Variants in ADAMTS16 observed in about 807,000 individuals in gnomAD.
ADAMTS16 encodes A disintegrin and metalloproteinase with thrombospondin motifs 16.
A neutral mutation model predicts 145.8 loss-of-function variants in ADAMTS16; 94 were observed. The observed-to-expected ratio is 0.64, with a 90% CI of 0.55 to 0.77. The LOEUF is 0.77. ADAMTS16 is among the 30% of genes least tolerant of loss of function. ADAMTS16 has a pLI of 0.00. For synonymous variants in ADAMTS16, 659 were observed against 604.3 expected (o/e 1.09, Z -1.33); for missense variants, 1,585 against 1,591.5 (o/e 1.00, Z 0.07).
At chr5:5,315,896 G>A (rs1734040610) in intron 21 of ADAMTS16, among the ~76,000 whole-genome samples, 1 of 152,048 alleles carries the variant, frequency 6.6e-6, no homozygotes, top group Non-Finnish European at 1.5e-5. Context: ...AAGGGAGTAA[G>A]CCTCCCAGAT....
chr5:5,201,069 G>T (rs1735940338), intron 9 of ADAMTS16, among the ~76,000 whole-genome samples: 1 of 152,170 alleles, frequency 6.6e-6, no homozygotes, highest in Admixed American at 6.5e-5. Context: ...GTGTGAATTG[G>T]AAAGTCTCTG....
intron 11 of ADAMTS16, among the ~76,000 whole-genome samples, chr5:5,229,608 G>A (rs1370013302): frequency 6.6e-6 from 1 of 152,160 alleles, no homozygotes; most frequent in Non-Finnish European, 1.5e-5. Context: ...ATACCTTGCT[G>A]AGTCAGAAAG....
intron 10 of ADAMTS16, among the ~76,000 whole-genome samples, chr5:5,215,913 T>TATCA (rs1736427016): frequency 7.7e-6 from 1 of 129,084 alleles, no homozygotes; most frequent in Non-Finnish European, 1.6e-5. Context: ...TATATATATA[T>TATCA]ATCACAGTTT....
At chr5:5,292,246 A>C (rs1305535556) in intron 18 of ADAMTS16, among the ~76,000 whole-genome samples, 1 of 152,204 alleles carries the variant, frequency 6.6e-6, no homozygotes, top group Non-Finnish European at 1.5e-5. Flanking sequence ...CTGTAATCCC[A>C]GCCCTTTAAG....
At position 5,262,659 on chromosome 5, in the gene ADAMTS16, C is replaced by G. The variant is rs750998276; in HGVS notation, c.2665C>G (p.Gln889Glu). ...CTACATTTCATCCTTGCCTGCAGGA[C>G]AGATGACCGTGAGAGAGGGCTGCTA... ...SECSVSCGGG[Q>E]MTVREGCYRD... The change falls in exon 18 of 23, where the codon CAG becomes GAG. Residue 889 changes from glutamine to glutamate, a missense_variant and splice_region_variant. Physicochemically the swap from Gln to Glu is conservative, Grantham distance 29. This residue lies in a region of ADAMTS16 where 834 missense variants were observed against 811.7 expected (regional missense o/e 1.03). Coordinates refer to ENST00000274181, the MANE Select transcript of ADAMTS16 (RefSeq NM_139056.4). 2 of 1,613,694 alleles carry G rather than the reference C, an allele frequency of 1.2e-6. No individual in the cohort carries two copies. Among genetic ancestry groups the G allele is most frequent in the South Asian group, 1.1e-5 (1 of 90,958 alleles).
At chr5:5,311,778 CCAATCTCGGCT>C (rs1284242208) in intron 21 of ADAMTS16, among the ~76,000 whole-genome samples, 2 of 151,244 alleles carry the variant, frequency 1.3e-5, no homozygotes, top group Non-Finnish European at 3.0e-5. Flanking sequence ...TCACCCAGGC[CCAATCTCGGCT>C]CACTGCAAGC....
chr5:5,185,316 G>C (rs1307927810), intron 4 of ADAMTS16, among the ~76,000 whole-genome samples: 1 of 152,130 alleles, frequency 6.6e-6, no homozygotes, highest in Non-Finnish European at 1.5e-5. Flanking sequence ...TGGGCTTTTT[G>C]AAGTCCACTT....
At chr5:5,222,244 C>T (rs1736626409) in intron 10 of ADAMTS16, among the ~76,000 whole-genome samples, 1 of 152,156 alleles carries the variant, frequency 6.6e-6, no homozygotes, top group South Asian at 2.1e-4. Context: ...ACAATGGAAC[C>T]TCTTGCCTGG....
chr5:5,281,458 T>A (rs1012706880), intron 18 of ADAMTS16, among the ~76,000 whole-genome samples: 1 of 152,216 alleles, frequency 6.6e-6, no homozygotes, highest in Non-Finnish European at 1.5e-5. Context: ...TATTAGAGTA[T>A]TAAAAACTTT....
chr5:5,205,881 C>T (rs900324436), intron 9 of ADAMTS16, among the ~76,000 whole-genome samples: 3 of 152,118 alleles, frequency 2.0e-5, no homozygotes, highest in South Asian at 2.1e-4. Flanking sequence ...CAAATATATT[C>T]TCCCACTCTG....
chr5:5,252,286 G>A (rs2126411410), intron 17 of ADAMTS16, among the ~76,000 whole-genome samples: 1 of 152,318 alleles, frequency 6.6e-6, no homozygotes, highest in South Asian at 2.1e-4. Context: ...GTACTCCAGG[G>A]AGCCCCCAGA....
intron 18 of ADAMTS16, among the ~76,000 whole-genome samples, chr5:5,266,264 G>A (rs1039565784): frequency 6.6e-6 from 1 of 152,174 alleles, no homozygotes; most frequent in African/African-American, 2.4e-5. Flanking sequence ...AGCTACCAAT[G>A]TCTGGGCTCC....
At chr5:5,165,024 T>G (rs571996003) in intron 3 of ADAMTS16, among the ~76,000 whole-genome samples, 1 of 152,298 alleles carries the variant, frequency 6.6e-6, no homozygotes, top group African/African-American at 2.4e-5. Context: ...AATTTTTTAG[T>G]AAATGTGGAG....
chr5:5,250,709 C>CTGTG (rs66744630), intron 17 of ADAMTS16, among the ~76,000 whole-genome samples: 78 of 123,028 alleles, frequency 6.3e-4, no homozygotes, highest in African/African-American at 1.7e-3. Flanking sequence ...TCTCTTCTCT[C>CTGTG]TGTGTGTGTG....
chr5:5,241,988 C>T (rs117520871), intron 16 of ADAMTS16, 65 bp from the exon 17 acceptor site: 251 of 1,571,562 alleles, frequency 1.6e-4, no homozygotes, highest in African/African-American at 1.2e-3. Context: ...GTCTAAATCC[C>T]GTTAGCATGT....
intron 17 of ADAMTS16, among the ~76,000 whole-genome samples, chr5:5,244,675 C>T (rs1737388610): frequency 6.6e-6 from 1 of 152,244 alleles, no homozygotes; most frequent in Non-Finnish European, 1.5e-5. Context: ...TAGCACATTA[C>T]TGATGTTCAC....
At chr5:5,209,648 C>T (rs1736221259) in intron 10 of ADAMTS16, among the ~76,000 whole-genome samples, 1 of 152,114 alleles carries the variant, frequency 6.6e-6, no homozygotes. Context: ...TTACCTAGGG[C>T]TACTGATTAA....
chr5:5,258,427 T>C (rs1481118758), intron 17 of ADAMTS16, among the ~76,000 whole-genome samples: 1 of 152,162 alleles, frequency 6.6e-6, no homozygotes, highest in Non-Finnish European at 1.5e-5. Flanking sequence ...GAAATGCAAA[T>C]TCTAAGACCC....
intron 21 of ADAMTS16, among the ~76,000 whole-genome samples, chr5:5,311,790 C>A (rs2126532117): frequency 6.6e-6 from 1 of 151,456 alleles, no homozygotes; most frequent in East Asian, 1.9e-4. Context: ...AATCTCGGCT[C>A]ACTGCAAGCT....
Sources: gnomAD v4.1 joint callset for allele counts (sites outside exome capture counted in the v4.1 genomes callset) on GRCh38, gnomAD v4.1.1 for gene constraint, gnomAD v4.1.1 regional missense constraint, MANE v1.5 for transcripts, NCBI Gene and HGNC (gene_info 2026-07-23, HGNC 2026-07-21) for gene names.